The following HMCN1 variants were observed in gnomAD, a reference collection of about 807,000 sequenced individuals.
HMCN1 encodes hemicentin-1.
In HMCN1, 321 loss-of-function variants were observed where a neutral mutation model predicts 625.9. The observed-to-expected ratio is 0.51, with a 90% CI of 0.47 to 0.56. HMCN1 has a LOEUF of 0.56. Among genes scored for constraint, HMCN1 ranks in the 20% least tolerant of loss-of-function variants. The pLI is 0.00. For missense variants in HMCN1, 6,588 were observed against 6,887.3 expected (o/e 0.96, Z 1.54); for synonymous variants, 2,425 against 2,417.6 (o/e 1.00, Z -0.09).
chr1:185,999,960 A>G (rs765493947), intron 25 of HMCN1, 85 bp from the exon 26 acceptor site: 83 of 943,600 alleles, frequency 8.8e-5, no homozygotes, highest in Non-Finnish European at 1.1e-4. Flanking sequence ...TCATAACAAA[A>G]ACTTTATTTC....
intron 36 of HMCN1, among the ~76,000 whole-genome samples, chr1:186,024,446 T>C (rs376799968): frequency 1.3e-5 from 2 of 152,196 alleles, no homozygotes; most frequent in African/African-American, 4.8e-5. Flanking sequence ...CTTCTCCTTC[T>C]GCAAGCTATT....
At chr1:186,151,853 A>C (rs1650687555) in intron 95 of HMCN1, 110 bp downstream of exon 95, 2 of 1,124,896 alleles carry the variant, frequency 1.8e-6, no homozygotes, top group Admixed American at 2.1e-5. Context: ...TTTTTACGCA[A>C]TCTTATAAGT....
At chr1:186,175,876 C>CAAAAAAAAAAAA (rs758445916) in intron 103 of HMCN1, among the ~76,000 whole-genome samples, 22 of 76,070 alleles carry the variant, frequency 2.9e-4, no homozygotes, top group African/African-American at 3.4e-4. Flanking sequence ...AACTATGTCT[C>CAAAAAAAAAAAA]AAAAAAAAAA....
intron 16 of HMCN1, among the ~76,000 whole-genome samples, chr1:185,978,320 G>T (rs762421302): frequency 6.6e-6 from 1 of 152,024 alleles, no homozygotes; most frequent in Non-Finnish European, 1.5e-5. Context: ...TTGTTGTATA[G>T]AAAGATAAAA....
chr1:185,820,231 A>G (rs559599776), intron 1 of HMCN1, among the ~76,000 whole-genome samples: 69 of 152,278 alleles, frequency 4.5e-4, no homozygotes, highest in African/African-American at 1.6e-3. Context: ...TTATCCTCCA[A>G]GAAACATGGA....
chr1:186,122,748 G>A (rs566394253), intron 80 of HMCN1, among the ~76,000 whole-genome samples: 5 of 152,150 alleles, frequency 3.3e-5, no homozygotes, highest in South Asian at 4.2e-4. Flanking sequence ...AACATTTATG[G>A]GTTAGCTAGG....
chr1:185,840,455 G>A (rs1056945968), intron 1 of HMCN1, among the ~76,000 whole-genome samples: 11 of 152,118 alleles, frequency 7.2e-5, no homozygotes, highest in Non-Finnish European at 1.2e-4. Flanking sequence ...TTTTGAGGAG[G>A]CCACTTCCCA....
chr1:185,828,932 A>G (rs1401492815), intron 1 of HMCN1, among the ~76,000 whole-genome samples: 1 of 152,156 alleles, frequency 6.6e-6, no homozygotes, highest in Non-Finnish European at 1.5e-5. Flanking sequence ...AAACAACAAA[A>G]TTAACCTATG....
At chr1:185,858,119 C>G (rs763826131) in intron 2 of HMCN1, among the ~76,000 whole-genome samples, 4 of 151,986 alleles carry the variant, frequency 2.6e-5, no homozygotes, top group Admixed American at 6.6e-5. Context: ...GTTAGTACTC[C>G]GTCAATAAAA....
At chr1:186,015,905 T>C in intron 31 of HMCN1, 53 bp from the exon 32 acceptor site, 1 of 1,489,388 alleles carries the variant, frequency 6.7e-7, no homozygotes, top group Non-Finnish European at 9.4e-7. Context: ...CATTAGAATG[T>C]ATTTTGTGAC....
intron 11 of HMCN1, among the ~76,000 whole-genome samples, chr1:185,945,307 CA>C (rs1668281317): frequency 6.6e-6 from 1 of 152,072 alleles, no homozygotes; most frequent in Admixed American, 6.6e-5. Flanking sequence ...ATATTTTTTC[CA>C]TAATAACAAA....
At chr1:185,974,547 C>T (rs1015873126) in intron 15 of HMCN1, among the ~76,000 whole-genome samples, 3 of 152,028 alleles carry the variant, frequency 2.0e-5, no homozygotes, top group South Asian at 2.1e-4. Flanking sequence ...CACCGTGCAC[C>T]GTACTACACT....
intron 63 of HMCN1, among the ~76,000 whole-genome samples, chr1:186,090,176 A>G (rs909874034): frequency 1.6e-4 from 14 of 87,868 alleles, no homozygotes; most frequent in African/African-American, 1.3e-3. Context: ...TTATTACGCA[A>G]TATTTCTCAG....
chr1:185,803,188 C>CAAAAAAAAAAAAAAAAACAAAAAAAA (rs1245942461), intron 1 of HMCN1, among the ~76,000 whole-genome samples: 1 of 33,812 alleles, frequency 3.0e-5, no homozygotes. Flanking sequence ...TTAGCAGAAC[C>CAAAAAAAAAAAAAAAAACAAAAAAAA]AAAAAAAAAA....
At chr1:185,827,107 G>A (rs1660566920) in intron 1 of HMCN1, among the ~76,000 whole-genome samples, 1 of 149,310 alleles carries the variant, frequency 6.7e-6, no homozygotes, top group Non-Finnish European at 1.5e-5. Context: ...GGGAGGCAGA[G>A]CTTGCAGTGA....
intron 4 of HMCN1, among the ~76,000 whole-genome samples, chr1:185,872,663 A>G (rs1037902190): frequency 6.6e-6 from 1 of 152,084 alleles, no homozygotes; most frequent in African/African-American, 2.4e-5. Flanking sequence ...GAGACCAGAT[A>G]TGGGATGGGA....
At chr1:185,800,789 AT>A (rs1297610018) in intron 1 of HMCN1, among the ~76,000 whole-genome samples, 1 of 152,200 alleles carries the variant, frequency 6.6e-6, no homozygotes, top group Non-Finnish European at 1.5e-5. Context: ...ATAGAAAAAA[AT>A]ATTTGGCCAT....
chr1:185,750,439 T>G (rs993972558), intron 1 of HMCN1, among the ~76,000 whole-genome samples: 1 of 152,194 alleles, frequency 6.6e-6, no homozygotes, highest in Non-Finnish European at 1.5e-5. Flanking sequence ...GTAATTATGG[T>G]TTTGTTAATT....
chr1:185,870,919 G>C (rs1227618139), intron 4 of HMCN1, among the ~76,000 whole-genome samples: 1 of 152,094 alleles, frequency 6.6e-6, no homozygotes, highest in Non-Finnish European at 1.5e-5. Flanking sequence ...AGGGAACCAA[G>C]GAGCCCTGTT....
Sources: gnomAD v4.1 joint callset for allele counts (sites outside exome capture counted in the v4.1 genomes callset) on GRCh38, gnomAD v4.1.1 for gene constraint, MANE v1.5 for transcripts, NCBI Gene and HGNC (gene_info 2026-07-23, HGNC 2026-07-21) for gene names.